Variants in USP15 observed in about 807,000 individuals in gnomAD.
The protein encoded by USP15 is ubiquitin specific peptidase 15, also known as ubiquitin carboxyl-terminal hydrolase 15.
USP15 carries 18 observed loss-of-function variants against 127.1 expected under a neutral mutation model. The observed-to-expected ratio is 0.14, with a 90% CI of 0.10 to 0.21. USP15 has a LOEUF of 0.21. Ranked by LOEUF, USP15 falls within the 10% of genes least tolerant of loss-of-function variation. The pLI is 1.00. For synonymous variants in USP15, 364 were observed against 393.7 expected, an observed-to-expected ratio of 0.92 and a Z score of 0.89; for missense variants, 805 against 1,159.9, an observed-to-expected ratio of 0.69 and a Z score of 4.44.
chr12:62,266,603 C>T (rs2063197940), intron 1 of USP15, among the ~76,000 whole-genome samples: 1 of 151,872 alleles, frequency 6.6e-6, no homozygotes, highest in African/African-American at 2.4e-5. Context: ...ATTAATAAGT[C>T]ATGATTATTG....
At chr12:62,322,446 T>A (rs1171447378) in intron 5 of USP15, among the ~76,000 whole-genome samples, 1 of 152,132 alleles carries the variant, frequency 6.6e-6, no homozygotes, top group African/African-American at 2.4e-5. Flanking sequence ...GGTATTTTTT[T>A]AATAAAGTAT....
chr12:62,287,846 G>A (rs2063828731), intron 1 of USP15, among the ~76,000 whole-genome samples: 1 of 152,048 alleles, frequency 6.6e-6, no homozygotes, highest in Admixed American at 6.6e-5. Context: ...ATTGAATAGG[G>A]TCTCCTTTCC....
chr12:62,401,994 A>T (rs192894969), intron 21 of USP15, among the ~76,000 whole-genome samples: 16 of 151,256 alleles, frequency 1.1e-4, no homozygotes, highest in Admixed American at 5.9e-4. Context: ...ATAAATTTTT[A>T]AAATTGTGTT....
intron 4 of USP15, among the ~76,000 whole-genome samples, chr12:62,316,437 G>A (rs192794904): frequency 6.6e-4 from 101 of 152,002 alleles, no homozygotes; most frequent in Admixed American, 3.9e-3. Context: ...AGGAAAATAA[G>A]ATATTTCTAC....
In USP15 at chr12:62,321,572, A is replaced by G; in HGVS notation, c.584A>G (p.Asp195Gly). Reference protein sequence around the residue: ...SNTFEPLNKPDSTIQDAGLYQ... With the variant: ...SNTFEPLNKPGSTIQDAGLYQ... ...ACATTTGAACCACTGAATAAACCAG[A>G]CAGCACCATTCAGGATGCTGGTTTA... The change falls in exon 5 of 22, where the codon GAC (aspartate) becomes GGC (glycine). Residue 195 changes from aspartate to glycine, a missense_variant. By Grantham distance (94) the Asp-to-Gly change is moderately conservative. Around this residue, in one of 11 missense-constraint regions of USP15, gnomAD observed 16 missense variants for 40.8 expected, o/e 0.39. Transcript: ENST00000280377. 1 of 1,605,922 alleles carries G rather than the reference A, an allele frequency of 6.2e-7. No individual in the cohort carries two copies. Among genetic ancestry groups the G allele is most frequent in the Non-Finnish European group, 8.5e-7 (1 of 1,176,124 alleles).
At chr12:62,315,463 T>A (rs2064806523) in intron 4 of USP15, among the ~76,000 whole-genome samples, 1 of 152,008 alleles carries the variant, frequency 6.6e-6, no homozygotes, top group Non-Finnish European at 1.5e-5. Context: ...GACACATTTT[T>A]AATTTTAGGT....
At position 62,414,729 on chromosome 12, in the gene USP15, G is replaced by T. The variant is rs2068116255; in HGVS notation, c.*10354G>T. The T allele has an allele frequency of 6.6e-6, 1 of 151,770 alleles. No individual in the cohort carries two copies. The highest frequency in any genetic ancestry group is 1.5e-5 in the Non-Finnish European group (1 of 67,972). 9.4% of individuals were successfully genotyped at this position (151,770 alleles called of 1,614,324 possible). A position where few individuals can be genotyped will look rare whatever the true frequency, so the allele number is the denominator to read the frequency against. Reference sequence around the variant, plus strand: ...TTTTAAAAATAGAAGTGTGTATTCAGGGTGCACTCAATAGGATTACATCTG... The same window carrying T: ...TTTTAAAAATAGAAGTGTGTATTCATGGTGCACTCAATAGGATTACATCTG... On this transcript the variant is annotated 3_prime_UTR_variant, in exon 22 of 22. Coordinates refer to ENST00000280377, the MANE Select transcript of USP15 (RefSeq NM_001252078.2).
At chr12:62,348,908 A>T (rs1592643094) in intron 6 of USP15, among the ~76,000 whole-genome samples, 2 of 152,278 alleles carry the variant, frequency 1.3e-5, no homozygotes, top group Non-Finnish European at 1.5e-5. Context: ...ATGGAAATTG[A>T]TCGTAAAATG....
rs2067827990 is a variant in USP15 at position 62,405,228 on chromosome 12, G to A, written c.*853G>A. The A allele has an allele frequency of 6.6e-6, 1 of 152,060 alleles. No homozygotes were observed. The highest frequency in any genetic ancestry group is 2.4e-5 in the African/African-American group (1 of 41,396). The allele number at this position is 152,060 out of a possible 1,614,324, so 9.4% of individuals were successfully genotyped here. A position where few individuals can be genotyped will look rare whatever the true frequency, so the allele number is the denominator to read the frequency against. ...ATTTTGTGGTAATTTGGCAACTTGA[G>A]CTCTCCCAATTATTGTAATATAAGG... is the stretch of plus-strand genomic sequence containing the variant. On this transcript the variant is annotated 3_prime_UTR_variant, in exon 22 of 22. Transcript: ENST00000280377.
At chr12:62,287,611 T>C (rs969154571) in intron 1 of USP15, among the ~76,000 whole-genome samples, 2 of 152,198 alleles carry the variant, frequency 1.3e-5, no homozygotes, top group African/African-American at 2.4e-5. Flanking sequence ...GTTGGATTTG[T>C]TTTTGAGATG....
chr12:62,295,135 AC>A lies in USP15; in HGVS notation c.217+838del, dbSNP rs529342057. 1.6e-3 allele frequency among the ~76,000 whole-genome samples: 240 copies of A among 148,966 alleles called. 2 individuals carry two copies. The highest frequency in any genetic ancestry group is 5.1e-3 in the African/African-American group (206 of 40,428). ...GTAGCTCAGAGAGAGAGAGACCTAGACCCCCCCCCATAGGGTTGCTCTTAAG... is the reference window on the plus strand; with the variant it reads ...GTAGCTCAGAGAGAGAGAGACCTAGACCCCCCCCATAGGGTTGCTCTTAAG... On this transcript the variant is annotated intron_variant, in intron 2 of 21. Transcript: ENST00000280377.
rs1231026455 is a variant in USP15, at chr12:62,311,322, A to C, written c.349-3468A>C. The stretch of plus-strand genomic sequence containing the variant: ...TAATGAATTAATGGATCTAGCCTGA[A>C]GGTCTAGAAGCTGAAGATGTAGGAG... On this transcript the variant is annotated intron_variant, in intron 3 of 21. Transcript: ENST00000280377. Among the ~76,000 whole-genome samples, 3 of 151,888 alleles carry C rather than the reference A, an allele frequency of 2.0e-5. No homozygotes were observed. The East Asian group carries it at 5.8e-4, about 29-fold the overall frequency.
chr12:62,401,872 G>GTA (rs887548045), intron 21 of USP15, among the ~76,000 whole-genome samples: 3 of 146,356 alleles, frequency 2.0e-5, no homozygotes, highest in African/African-American at 7.6e-5. Flanking sequence ...GTGTGTGTGT[G>GTA]TATATGTATA....
intron 20 of USP15, among the ~76,000 whole-genome samples, chr12:62,396,694 A>G (rs2067501495): frequency 6.6e-6 from 1 of 152,074 alleles, no homozygotes; most frequent in Non-Finnish European, 1.5e-5. Context: ...TGTTTGATGC[A>G]TATACTCTTG....
Position 62,381,723 on chromosome 12 carries a change from G to C in USP15, c.1089+60G>C, listed in dbSNP as rs961726729. The C allele has an allele frequency of 5.3e-6, 8 of 1,520,604 alleles. No individual in the cohort carries two copies. The Admixed American group carries it at 6.0e-5, about 11-fold the overall frequency. The allele number at this position is 1,520,604 out of a possible 1,614,324, so 94.2% of individuals were successfully genotyped here. On this transcript the variant is annotated intron_variant, in intron 9 of 21. Coordinates refer to ENST00000280377, the MANE Select transcript of USP15 (RefSeq NM_001252078.2). ...TGCAAGGGTACAAAAGTTGGTTCTT[G>C]GGGATAGGGGGAGTGAAAAATAGTA...
intron 9 of USP15, among the ~76,000 whole-genome samples, chr12:62,382,654 A>C (rs1342842514): frequency 6.6e-6 from 1 of 151,954 alleles, no homozygotes; most frequent in Admixed American, 6.6e-5. Flanking sequence ...ATGATGATTC[A>C]TACTATTACA....
At chr12:62,334,891 G>A (rs1441612185) in intron 6 of USP15, among the ~76,000 whole-genome samples, 1 of 152,110 alleles carries the variant, frequency 6.6e-6, no homozygotes, top group Non-Finnish European at 1.5e-5. Context: ...TGAAGTAAGA[G>A]GCTCAACTTA....
chr12:62,336,103 T>C, intron 6 of USP15: 1 of 985,424 alleles, frequency 1.0e-6, no homozygotes, highest in Non-Finnish European at 1.2e-6. Context: ...AGACCTTAAA[T>C]GCATTGACAT....
chr12:62,379,206 A>G (rs1217018606), intron 8 of USP15, among the ~76,000 whole-genome samples: 1 of 151,708 alleles, frequency 6.6e-6, no homozygotes, highest in Non-Finnish European at 1.5e-5. Context: ...AAGGCCAAAA[A>G]AAAAAAAAAA....
Sources: gnomAD v4.1 joint callset for allele counts (sites outside exome capture counted in the v4.1 genomes callset) on GRCh38, gnomAD v4.1.1 for gene constraint, gnomAD v4.1.1 regional missense constraint, MANE v1.5 for transcripts, NCBI Gene and HGNC (gene_info 2026-07-23, HGNC 2026-07-21) for gene names.